The following RIPOR2 variants were observed in gnomAD, a reference collection of about 807,000 sequenced individuals.
RIPOR2 encodes rho family-interacting cell polarization regulator 2.
A neutral mutation model predicts 114.5 loss-of-function variants in RIPOR2; 39 were observed. That is an observed-to-expected ratio of 0.34 (90% CI 0.26 to 0.44). RIPOR2 has a LOEUF of 0.44. Ranked by LOEUF, RIPOR2 falls within the 20% of genes least tolerant of loss-of-function variation. The pLI, the probability that RIPOR2 is intolerant of heterozygous loss-of-function variation, is 1.00. For synonymous variants in RIPOR2, 445 were observed against 484.4 expected, an observed-to-expected ratio of 0.92 and a Z score of 1.07; for missense variants, 1,007 against 1,255.1, an observed-to-expected ratio of 0.80 and a Z score of 2.99.
At chr6:24,984,292 G>A (rs1016583612) in intron 1 of RIPOR2, among the ~76,000 whole-genome samples, 4 of 152,158 alleles carry the variant, frequency 2.6e-5, no homozygotes, top group Admixed American at 6.5e-5. Context: ...GCAAAGGGTG[G>A]TGGATTATCA....
At chr6:25,008,114 G>C (rs984933438) in intron 1 of RIPOR2, among the ~76,000 whole-genome samples, 1 of 152,184 alleles carries the variant, frequency 6.6e-6, no homozygotes, top group Non-Finnish European at 1.5e-5. Flanking sequence ...AAGCATGGTA[G>C]CTGAATGATG....
At chr6:24,860,740 T>C (rs1429777319) in intron 8 of RIPOR2, among the ~76,000 whole-genome samples, 1 of 152,228 alleles carries the variant, frequency 6.6e-6, no homozygotes, top group Non-Finnish European at 1.5e-5. Context: ...GGGCTCATTA[T>C]AATGTTCTCT....
In RIPOR2 at chr6:24,927,138, C is replaced by A. The variant is rs1445243741; in HGVS notation, c.61+8700G>T. Among the ~76,000 whole-genome samples the A allele has an allele frequency of 3.2e-3, 31 of 9,826 alleles. 12 individuals carry two copies. The highest frequency in any genetic ancestry group is 7.2e-3 in the Admixed American group (8 of 1,116). The allele number at this position is 9,826 out of a possible 152,430, so 6.4% of individuals were successfully genotyped here. A position where few individuals can be genotyped will look rare whatever the true frequency, so the allele number is the denominator to read the frequency against. ...ATTATTATAATCATCATCTCACTAC[C>A]ACCACCACCACCACCACCACCACAA... On this transcript the variant is annotated intron_variant, in intron 1 of 21. Transcript: ENST00000643898.
chr6:24,872,708 TAAG>T (rs1211571686), intron 4 of RIPOR2, among the ~76,000 whole-genome samples, 170 bp downstream of exon 4: 1 of 152,188 alleles, frequency 6.6e-6, no homozygotes, highest in Non-Finnish European at 1.5e-5. Flanking sequence ...TAGAATGCAT[TAAG>T]AAGAAAACAT....
At chr6:24,935,320 C>CA (rs976245217) in intron 1 of RIPOR2, among the ~76,000 whole-genome samples, 676 of 21,844 alleles carry the variant, frequency 0.031, 4 homozygotes, top group Admixed American at 0.035. Context: ...AAAACAACAA[C>CA]AAAAAAAAAA....
chr6:24,931,668 T>C (rs567807380), intron 1 of RIPOR2, among the ~76,000 whole-genome samples: 2 of 152,224 alleles, frequency 1.3e-5, no homozygotes, highest in Admixed American at 6.5e-5. Context: ...TCTTCAAGCA[T>C]AATCTTAAAA....
In RIPOR2 at chr6:24,843,340, G is replaced by A. The variant is rs746805864; in HGVS notation, c.1379C>T (p.Thr460Ile). The A allele has an allele frequency of 8.1e-6, 13 of 1,613,922 alleles. No individual in the cohort carries two copies. In the East Asian group the frequency reaches 2.0e-4, roughly 25 times the overall value. ...GGAGTTCCTGGAAGATGCTGAGCTG[G>A]TGTCATCCATACCCTCATTCTGGGA... ...LASQNEGMDD[T>I]SSASSRNSLG... The change falls in exon 13 of 22, where the codon ACC becomes ATC. Residue 460 changes from threonine to isoleucine, a missense_variant. Transcript: ENST00000643898.
At chr6:24,905,342 CTCTT>C (rs1272283289) in intron 1 of RIPOR2, among the ~76,000 whole-genome samples, 1 of 152,090 alleles carries the variant, frequency 6.6e-6, no homozygotes, top group Non-Finnish European at 1.5e-5. Flanking sequence ...AGCTTCATCT[CTCTT>C]TTTTTCTAAG....
intron 2 of RIPOR2, among the ~76,000 whole-genome samples, chr6:24,874,774 G>A (rs758173897): frequency 2.0e-5 from 3 of 152,086 alleles, no homozygotes; most frequent in Non-Finnish European, 4.4e-5. Flanking sequence ...TTTCGATAAG[G>A]GACCATAAGC....
intron 1 of RIPOR2, among the ~76,000 whole-genome samples, chr6:24,876,370 AT>A (rs200283488): frequency 1.1e-3 from 167 of 149,574 alleles, no homozygotes; most frequent in East Asian, 6.0e-3. Flanking sequence ...TCCTTCAAGA[AT>A]TTTTTTTTTT....
chr6:24,959,266 GA>G (rs371464443), intron 1 of RIPOR2, among the ~76,000 whole-genome samples: 6 of 152,272 alleles, frequency 3.9e-5, no homozygotes, highest in African/African-American at 1.4e-4. Flanking sequence ...CAAAGGTTAG[GA>G]CTTCAACATA....
intron 19 of RIPOR2, among the ~76,000 whole-genome samples, chr6:24,820,869 C>CTT (rs34770819): frequency 0.22 from 18,615 of 83,502 alleles, 2,588 homozygotes; most frequent in Middle Eastern, 0.34. Flanking sequence ...GTTTAACACT[C>CTT]TTTTTTTTTT....
chr6:24,895,425 G>A (rs1414763133), intron 1 of RIPOR2, among the ~76,000 whole-genome samples: 1 of 146,490 alleles, frequency 6.8e-6, no homozygotes, highest in Non-Finnish European at 1.5e-5. Flanking sequence ...GTGGGGCCTG[G>A]GCATACGTAC....
intron 1 of RIPOR2, among the ~76,000 whole-genome samples, chr6:24,931,488 T>G (rs1771386138): frequency 6.6e-6 from 1 of 152,240 alleles, no homozygotes; most frequent in Non-Finnish European, 1.5e-5. Flanking sequence ...TTGAATGGAC[T>G]TCCTTTTGCC....
At chr6:25,023,930 T>C (rs1776465628) in intron 1 of RIPOR2, 2 of 724,700 alleles carry the variant, frequency 2.8e-6, no homozygotes, top group Non-Finnish European at 5.2e-6. Context: ...TCGTAGCTGA[T>C]GTGCATGAGG....
At chr6:24,935,320 CAAAAAAA>C (rs976245217) in intron 1 of RIPOR2, among the ~76,000 whole-genome samples, 7 of 21,842 alleles carry the variant, frequency 3.2e-4, no homozygotes, top group Admixed American at 1.7e-3. Flanking sequence ...AAAACAACAA[CAAAAAAA>C]AAAAAAAAAA....
chr6:24,825,195 C>G (rs757568001), intron 19 of RIPOR2, 31 bp downstream of exon 19: 34 of 1,497,354 alleles, frequency 2.3e-5, no homozygotes, highest in Non-Finnish European at 2.8e-5. Flanking sequence ...AAACCAGCTT[C>G]TGGCTTGATG....
chr6:24,846,127 A>AC (rs1169317752), intron 12 of RIPOR2, among the ~76,000 whole-genome samples: 1 of 151,998 alleles, frequency 6.6e-6, no homozygotes, highest in Non-Finnish European at 1.5e-5. Context: ...ACAACCCCCA[A>AC]CCTGTAGCAC....
chr6:24,849,712 G>T, intron 11 of RIPOR2, 90 bp downstream of exon 11: 1 of 1,154,690 alleles, frequency 8.7e-7, no homozygotes, highest in Non-Finnish European at 1.3e-6. Flanking sequence ...CAAGCTCCCT[G>T]GTGATGCGGA....
Sources: gnomAD v4.1 joint callset for allele counts (sites outside exome capture counted in the v4.1 genomes callset) on GRCh38, gnomAD v4.1.1 for gene constraint, MANE v1.5 for transcripts, NCBI Gene and HGNC (gene_info 2026-07-23, HGNC 2026-07-21) for gene names.